The following RPS6KA4 variants were observed in gnomAD, a reference collection of about 807,000 sequenced individuals.
RPS6KA4 encodes the protein ribosomal protein S6 kinase alpha-4.
RPS6KA4 carries 38 observed loss-of-function variants against 89.6 expected under a neutral mutation model. That is an observed-to-expected ratio of 0.42 (90% confidence interval 0.33 to 0.56). The LOEUF (loss-of-function observed/expected upper bound fraction) is 0.56. Ranked by LOEUF, RPS6KA4 falls within the 20% of genes least tolerant of loss-of-function variation. RPS6KA4 has a pLI of 0.07. For missense variants in RPS6KA4, 873 were observed against 1,098.8 expected (o/e 0.79, Z 2.90); for synonymous variants, 495 against 492.8 (o/e 1.00, Z -0.06).
Position 64,369,828 on chromosome 11 carries a change from C to T in RPS6KA4, c.1732C>T (p.Pro578Ser), listed in dbSNP as rs2037008629. ...TPCFTLQYAA[P>S]ELLAQQGYDE... Reference sequence around the variant, plus strand: ...CTGCTTCACGCTGCAGTACGCTGCCCCCGAGCTGCTGGCGCAGCAGGGCTA... The same window carrying T: ...CTGCTTCACGCTGCAGTACGCTGCCTCCGAGCTGCTGGCGCAGCAGGGCTA... Residue 578 changes from proline (P) to serine (S), a missense_variant, in exon 14 of 17, where the codon CCC becomes TCC. By Grantham distance (74) the Pro-to-Ser change is moderately conservative (BLOSUM62 -1). Transcript: ENST00000334205. 2 of 1,594,228 alleles carry T rather than the reference C, an allele frequency of 1.3e-6. No homozygotes were observed. Among genetic ancestry groups the T allele is most frequent in the African/African-American group, 1.3e-5 (1 of 74,516 alleles).
Position 64,361,826 on chromosome 11 carries a change from C to G in RPS6KA4, c.756-26C>G, listed in dbSNP as rs1348868934. 1.9e-6 allele frequency: 3 copies of G among 1,585,628 alleles called. No homozygotes were observed. The African/African-American group carries it at 4.1e-5, about 22-fold the overall frequency. ...GGGCTGTGGGTGGGGGGCTTGCTGCCCCTGACACCCCCCCAATCCTCCCAG... is the reference window on the plus strand; with the variant it reads ...GGGCTGTGGGTGGGGGGCTTGCTGCGCCTGACACCCCCCCAATCCTCCCAG... On this transcript the variant is annotated intron_variant, in intron 7 of 16. Transcript: ENST00000334205. This position sits in a 1 kb window ranked among gnomAD's most constrained non-coding sequence, Gnocchi z 4.7.
intron 10 of RPS6KA4, 103 bp from the exon 11 acceptor site, chr11:64,368,365 A>G: frequency 6.5e-7 from 1 of 1,545,800 alleles, no homozygotes; most frequent in Non-Finnish European, 8.7e-7. Context: ...TGAGCTCAGC[A>G]AGGTCCTAAG....
chr11:64,363,439 C>T (rs1179204087), intron 8 of RPS6KA4, among the ~76,000 whole-genome samples: 1 of 152,114 alleles, frequency 6.6e-6, no homozygotes, highest in Non-Finnish European at 1.5e-5. Flanking sequence ...AGGAGAGGCC[C>T]CAAGGTCTTC....
chr11:64,368,180 G>T lies in RPS6KA4; in HGVS notation c.1120G>T (p.Val374Leu). 1 of 1,613,748 alleles carries T rather than the reference G, an allele frequency of 6.2e-7. No individual in the cohort carries two copies. The highest frequency in any genetic ancestry group is 8.5e-7 in the Non-Finnish European group (1 of 1,180,022). The change falls in exon 10 of 17, where the codon GTG becomes TTG. Residue 374 changes from valine (V) to leucine (L), a missense_variant. Around this residue, in one of 4 missense-constraint regions of RPS6KA4, gnomAD observed 542 missense variants for 736.4 expected, o/e 0.74. Transcript: ENST00000334205. ...CATTCTCTTTGACCACAACAACGCGGTGATGACCGATGGGCTGGAAGCGCC... is the reference window on the plus strand; with the variant it reads ...CATTCTCTTTGACCACAACAACGCGTTGATGACCGATGGGCTGGAAGCGCC... ...PSILFDHNNA[V>L]MTDGLEAPGA...
chr11:64,369,331 G>A, intron 12 of RPS6KA4, 115 bp from the exon 13 acceptor site: 2 of 1,122,986 alleles, frequency 1.8e-6, no homozygotes, highest in Non-Finnish European at 2.4e-6. Context: ...AGGACTTTGA[G>A]GAGGGGGTTC....
intron 8 of RPS6KA4, among the ~76,000 whole-genome samples, chr11:64,362,278 G>A (rs541078981): frequency 1.2e-4 from 18 of 152,256 alleles, no homozygotes; most frequent in Non-Finnish European, 4.4e-5. Flanking sequence ...ACCCAGAGAA[G>A]GCAGGTGACC....
At chr11:64,362,592 G>T (rs930583305) in intron 8 of RPS6KA4, among the ~76,000 whole-genome samples, 2 of 152,214 alleles carry the variant, frequency 1.3e-5, no homozygotes, top group Admixed American at 1.3e-4. Flanking sequence ...CAGCGTCATC[G>T]CCCAGCAGGA....
At position 64,368,720 on chromosome 11, in the gene RPS6KA4, C is replaced by G. The variant is rs1446769146; in HGVS notation, c.1351C>G (p.Gln451Glu). The part of the protein sequence containing the change: ...ILSRRLEANT[Q>E]REVAALRLCQ... Reference sequence around the variant, plus strand: ...GTCCCCCAGGCTGGAGGCGAACACGCAGCGCGAAGTGGCTGCCCTGCGCCT... The same window carrying G: ...GTCCCCCAGGCTGGAGGCGAACACGGAGCGCGAAGTGGCTGCCCTGCGCCT... Residue 451 changes from glutamine to glutamate, a missense_variant, in exon 12 of 17, where the codon CAG becomes GAG. Around this residue, in one of 4 missense-constraint regions of RPS6KA4, gnomAD observed 542 missense variants for 736.4 expected, o/e 0.74. Coordinates refer to ENST00000334205, the MANE Select transcript of RPS6KA4 (RefSeq NM_003942.3). 6.3e-7 allele frequency: 1 copy of G among 1,577,560 alleles called. No homozygotes were observed. The highest frequency in any genetic ancestry group is 1.3e-5 in the African/African-American group (1 of 74,398).
At chr11:64,367,835 A>G (rs1411630779) in intron 9 of RPS6KA4, among the ~76,000 whole-genome samples, 2 of 152,166 alleles carry the variant, frequency 1.3e-5, no homozygotes, top group Non-Finnish European at 2.9e-5. Context: ...CACTTTCAAT[A>G]TATTCATTGG....
At position 64,361,028 on chromosome 11, in the gene RPS6KA4, G is replaced by A. The variant is rs745861378; in HGVS notation, c.463-106G>A. 1.2e-5 allele frequency: 10 copies of A among 846,022 alleles called. No individual in the cohort carries two copies. The highest frequency in any genetic ancestry group is 1.8e-5 in the Non-Finnish European group (10 of 540,710). 52.4% of individuals were successfully genotyped at this position (846,022 alleles called of 1,614,324 possible). On this transcript the variant is annotated intron_variant, in intron 4 of 16. Coordinates refer to ENST00000334205, the MANE Select transcript of RPS6KA4 (RefSeq NM_003942.3). This position sits in a 1 kb window ranked among gnomAD's most constrained non-coding sequence, Gnocchi z 4.7. ...GCCCTGGAGACCCCCTCTACAGGCA[G>A]ATGACTTTCTCTGGGGGGTCTCCTT...
chr11:64,359,471 G>A, intron 2 of RPS6KA4, 22 bp downstream of exon 2: 1 of 1,612,318 alleles, frequency 6.2e-7, no homozygotes, highest in Middle Eastern at 1.7e-4. Flanking sequence ...CATCCACCGG[G>A]CAGGCGTCCC....
chr11:64,370,165 G>A lies in RPS6KA4; in HGVS notation c.1798-60G>A, dbSNP rs1303410144. On this transcript the variant is annotated intron_variant, in intron 14 of 16. Coordinates refer to ENST00000334205, the MANE Select transcript of RPS6KA4 (RefSeq NM_003942.3). This position sits in a 1 kb window ranked among gnomAD's most constrained non-coding sequence, Gnocchi z 4.1. ...GGAGGGTGAGTGGTTCTGTGGGAGC[G>A]GAGGGGTCAGCCTCGGCACCCCAGC... 2.7e-6 allele frequency: 4 copies of A among 1,496,258 alleles called. No homozygotes were observed. The highest frequency in any genetic ancestry group is 4.3e-4 in the Middle Eastern group (2 of 4,644). The allele number at this position is 1,496,258 out of a possible 1,614,324, so 92.7% of individuals were successfully genotyped here.
rs760720495 is a variant in RPS6KA4, at chr11:64,361,578, G to T, written c.651+29G>T. 3 of 1,613,656 alleles carry T rather than the reference G, an allele frequency of 1.9e-6. No homozygotes were observed. In the African/African-American group the frequency reaches 4.0e-5, roughly 22 times the overall value. On this transcript the variant is annotated intron_variant, in intron 6 of 16. Transcript: ENST00000334205. This position sits in a 1 kb window ranked among gnomAD's most constrained non-coding sequence, Gnocchi z 4.7. ...GGTTGGCAGGGAAGTGGGGCTGGGGGAGGTGGAAAGGTGGGGTGTGAGGCA... is the reference window on the plus strand; with the variant it reads ...GGTTGGCAGGGAAGTGGGGCTGGGGTAGGTGGAAAGGTGGGGTGTGAGGCA...
chr11:64,361,144 T>C lies in RPS6KA4; in HGVS notation c.473T>C (p.Ile158Thr). 6.2e-7 allele frequency: 1 copy of C among 1,612,994 alleles called. No homozygotes were observed. Among genetic ancestry groups the C allele is most frequent in the Non-Finnish European group, 8.5e-7 (1 of 1,179,850 alleles). ...ALEHLHKLGI[I>T]YRDLKLENVL... ...TCTTGCTCCTACCAGCTCGGCATCA[T>C]TTACCGAGACCTGAAACTGGAGAAT... The change falls in exon 5 of 17, where the codon ATT (isoleucine) becomes ACT (threonine). Residue 158 changes from isoleucine (I) to threonine (T), a missense_variant. Physicochemically the swap from Ile to Thr is moderately conservative, Grantham distance 89. This residue lies in a region of RPS6KA4 where 542 missense variants were observed against 736.4 expected (regional missense o/e 0.74). Coordinates refer to ENST00000334205, the MANE Select transcript of RPS6KA4 (RefSeq NM_003942.3). The surrounding 1 kb of genome is among the most constrained non-coding windows in gnomAD (Gnocchi z 4.7).
At chr11:64,365,210 C>T in intron 8 of RPS6KA4, 91 bp from the exon 9 acceptor site, 1 of 1,475,042 alleles carries the variant, frequency 6.8e-7, no homozygotes, top group Non-Finnish European at 9.2e-7. Flanking sequence ...GCCCTTGCCT[C>T]ATGGAGGAAC....
At position 64,365,302 on chromosome 11, in the gene RPS6KA4, G is replaced by T. The variant is rs747168125; in HGVS notation, c.908G>T (p.Gly303Val). ...TGACCTCTGATTCCCTTCCCTCAGG[G>T]CCTCGATTGGGTGGCTCTGGCTGCC... is the stretch of plus-strand genomic sequence containing the variant. ...QEVRNHPFFQ[G>V]LDWVALAARK... Residue 303 changes from glycine to valine, a missense_variant and splice_region_variant, in exon 9 of 17, where the codon GGC becomes GTC. Gly to Val is a moderately radical substitution (Grantham distance 109). Around this residue, in one of 4 missense-constraint regions of RPS6KA4, gnomAD observed 542 missense variants for 736.4 expected, o/e 0.74. Transcript: ENST00000334205. The T allele has an allele frequency of 6.2e-7, 1 of 1,612,404 alleles. No homozygotes were observed.
At chr11:64,369,220 G>A (rs2036981143) in intron 12 of RPS6KA4, among the ~76,000 whole-genome samples, 1 of 152,250 alleles carries the variant, frequency 6.6e-6, no homozygotes, top group Admixed American at 6.5e-5. Flanking sequence ...GAACCCGGAA[G>A]GCAGAGGTTG....
chr11:64,360,400 C>T lies in RPS6KA4; in HGVS notation c.346+19C>T. 3 of 1,557,336 alleles carry T rather than the reference C, an allele frequency of 1.9e-6. No individual in the cohort carries two copies. The highest frequency in any genetic ancestry group is 2.6e-6 in the Non-Finnish European group (3 of 1,150,186). ...ATCCTGGGTGAGCGCACACCACATCCCAACGGGGTTGGGGTGGCTGGGGGC... is the reference window on the plus strand; with the variant it reads ...ATCCTGGGTGAGCGCACACCACATCTCAACGGGGTTGGGGTGGCTGGGGGC... On this transcript the variant is annotated intron_variant, in intron 3 of 16. Transcript: ENST00000334205.
Position 64,370,268 on chromosome 11 carries a change from G to A in RPS6KA4, c.1841G>A (p.Gly614Asp). 4 of 1,582,240 alleles carry A rather than the reference G, an allele frequency of 2.5e-6. No homozygotes were observed. Among genetic ancestry groups the A allele is most frequent in the Non-Finnish European group, 3.4e-6 (4 of 1,170,902 alleles). The change falls in exon 15 of 17, where the codon GGC (glycine) becomes GAC (aspartate). Residue 614 changes from glycine (G) to aspartate (D), a missense_variant. Gly to Asp is a moderately conservative substitution (Grantham distance 94). Coordinates refer to ENST00000334205, the MANE Select transcript of RPS6KA4 (RefSeq NM_003942.3). The surrounding 1 kb of genome is among the most constrained non-coding windows in gnomAD (Gnocchi z 4.1). ...SGQVPFQGAS[G>D]QGGQSQAAEI... ...CAGGTCCCCTTCCAGGGGGCCTCTG[G>A]CCAGGGCGGGCAGAGCCAGGCGGCC...
Sources: gnomAD v4.1 joint callset for allele counts (sites outside exome capture counted in the v4.1 genomes callset) on GRCh38, gnomAD v4.1.1 for gene constraint, gnomAD v4.1.1 regional missense constraint, Gnocchi (gnomAD v3.1) non-coding constraint, MANE v1.5 for transcripts, NCBI Gene and HGNC (gene_info 2026-07-23, HGNC 2026-07-21) for gene names.